The following SLC30A1 variants were observed in gnomAD, a reference collection of about 807,000 sequenced individuals.
SLC30A1 encodes solute carrier family 30 member 1, also known as proton-coupled zinc antiporter SLC30A1.
Under a neutral mutation model 29.8 loss-of-function variants are expected in SLC30A1, and 7 were observed. The ratio of observed to expected loss-of-function variants is 0.23; its 90% CI spans 0.13 to 0.44. The LOEUF (loss-of-function observed/expected upper bound fraction) is 0.44, where lower values mean the gene tolerates loss of function less well. Among genes scored for constraint, SLC30A1 ranks in the 20% least tolerant of loss-of-function variants. SLC30A1 has a pLI of 1.00. For synonymous variants in SLC30A1, 254 were observed against 253.5 expected (o/e 1.00, Z -0.02); for missense variants, 446 against 647.9 (o/e 0.69, Z 3.38).
At position 211,573,250 on chromosome 1, in the gene SLC30A1, T is replaced by C. The variant is rs183000392; in HGVS notation, c.*2138A>G. On this transcript the variant is annotated 3_prime_UTR_variant, in exon 2 of 2. Transcript: ENST00000367001. ...AAAATCCTATGGTACCACCATTATA[T>C]ATAAGCTACTTAAAAATTATGAAAA... is the stretch of plus-strand genomic sequence containing the variant. 7.9e-5 allele frequency: 12 copies of C among 152,222 alleles called. No individual in the cohort carries two copies. The highest frequency in any genetic ancestry group is 1.9e-4 in the East Asian group (1 of 5,192). 9.4% of individuals were successfully genotyped at this position (152,222 alleles called of 1,614,324 possible). A position where few individuals can be genotyped will look rare whatever the true frequency, so the allele number is the denominator to read the frequency against.
Position 211,572,191 on chromosome 1 carries a change from G to A in SLC30A1, c.*3197C>T, listed in dbSNP as rs1706661605. On this transcript the variant is annotated 3_prime_UTR_variant, in exon 2 of 2. Coordinates refer to ENST00000367001, the MANE Select transcript of SLC30A1 (RefSeq NM_021194.3). ...GTGCTATTATAATCCCAATTTCAGA[G>A]ACGTGAAACACTGTATGACACAGTT... is the stretch of plus-strand genomic sequence containing the variant. 1 of 152,012 alleles carries A rather than the reference G, an allele frequency of 6.6e-6. No homozygotes were observed. Among genetic ancestry groups the A allele is most frequent in the Non-Finnish European group, 1.5e-5 (1 of 67,952 alleles). 9.4% of individuals were successfully genotyped at this position (152,012 alleles called of 1,614,324 possible).
At position 211,578,295 on chromosome 1, in the gene SLC30A1, C is replaced by T. The variant is rs781020850; in HGVS notation, c.318G>A (p.Glu106=). The change falls in exon 1 of 2, where the codon GAG becomes GAA. Residue 106 remains glutamate (E), a synonymous_variant. Transcript: ENST00000367001. The part of the protein sequence containing the change: ...ILLEAIERFI[E]PHEMQQPLVV... ...CCAGCGGCTGCTGCATCTCGTGCGG[C>T]TCGATGAAGCGCTCGATGGCCTCCA... 1.9e-6 allele frequency: 3 copies of T among 1,612,160 alleles called. No homozygotes were observed. Among genetic ancestry groups the T allele is most frequent in the Non-Finnish European group, 2.5e-6 (3 of 1,179,632 alleles).
Position 211,575,432 on chromosome 1 carries a change from C to G in SLC30A1, c.1480G>C (p.Glu494Gln), listed in dbSNP as rs1186536679. ...TGTTTGTTTGGCATGTTTTTAATCT[C>G]TATCACAACAGCAGGGATGTTTTCA... ...KAENIPAVVI[E>Q]IKNMPNKQPE... Residue 494 changes from glutamate to glutamine, a missense_variant, in exon 2 of 2, where the codon GAG (glutamate) becomes CAG (glutamine). Physicochemically the swap from Glu to Gln is conservative, Grantham distance 29. Transcript: ENST00000367001. The surrounding 1 kb of genome is among the most constrained non-coding windows in gnomAD (Gnocchi z 6.0). 6.8e-6 allele frequency: 11 copies of G among 1,610,664 alleles called. No homozygotes were observed. Among genetic ancestry groups the G allele is most frequent in the South Asian group, 1.1e-5 (1 of 90,266 alleles).
rs928438987 is a variant in SLC30A1 at position 211,573,325 on chromosome 1, A to G, written c.*2063T>C. 4 of 152,044 alleles carry G rather than the reference A, an allele frequency of 2.6e-5. No homozygotes were observed. The highest frequency in any genetic ancestry group is 9.7e-5 in the African/African-American group (4 of 41,438). The allele number at this position is 152,044 out of a possible 1,614,324, so 9.4% of individuals were successfully genotyped here. Reference sequence around the variant, plus strand: ...TGTTATCTTCAAAGCACTTTTGAAAAACAAACAAACATAGCCCTTGTCCTA... The same window carrying G: ...TGTTATCTTCAAAGCACTTTTGAAAGACAAACAAACATAGCCCTTGTCCTA... On this transcript the variant is annotated 3_prime_UTR_variant, in exon 2 of 2. Coordinates refer to ENST00000367001, the MANE Select transcript of SLC30A1 (RefSeq NM_021194.3).
chr1:211,571,651 A>C lies in SLC30A1; in HGVS notation c.*3737T>G, dbSNP rs896665447. The stretch of plus-strand genomic sequence containing the variant: ...GTAGTCTGTCTCATATAGAACATTT[A>C]TAATACATAACAATCCATAAAGCCT... On this transcript the variant is annotated 3_prime_UTR_variant, in exon 2 of 2. Coordinates refer to ENST00000367001, the MANE Select transcript of SLC30A1 (RefSeq NM_021194.3). 1.3e-5 allele frequency: 2 copies of C among 152,030 alleles called. No homozygotes were observed. Among genetic ancestry groups the C allele is most frequent in the Non-Finnish European group, 2.9e-5 (2 of 67,928 alleles). 9.4% of individuals were successfully genotyped at this position (152,030 alleles called of 1,614,324 possible).
Position 211,578,088 on chromosome 1 carries a change from G to T in SLC30A1, c.525C>A (p.Ile175=). 1 of 1,612,010 alleles carries T rather than the reference G, an allele frequency of 6.2e-7. No individual in the cohort carries two copies. The highest frequency in any genetic ancestry group is 8.5e-7 in the Non-Finnish European group (1 of 1,179,388). The change falls in exon 1 of 2, where the codon ATC becomes ATA. Residue 175 remains isoleucine (I), a synonymous_variant. Transcript: ENST00000367001. The part of the protein sequence containing the change: ...VKSTRPGSSD[I]NVAPGEQGPD... ...GACCCTGCTCGCCCGGGGCCACGTT[G>T]ATGTCGCTGCTCCCGGGGCGGGTGC...
Position 211,578,674 on chromosome 1 carries a change from G to A in SLC30A1, c.-62C>T. The stretch of plus-strand genomic sequence containing the variant: ...GACTGGTGCAGCGGCGGCGTTGGCG[G>A]GACGCGGAGGGTCGGCGACCGCGAC... On this transcript the variant is annotated 5_prime_UTR_variant, in exon 1 of 2. Coordinates refer to ENST00000367001, the MANE Select transcript of SLC30A1 (RefSeq NM_021194.3). 1 of 1,406,798 alleles carries A rather than the reference G, an allele frequency of 7.1e-7. No homozygotes were observed. The highest frequency in any genetic ancestry group is 9.2e-7 in the Non-Finnish European group (1 of 1,086,958). The allele number at this position is 1,406,798 out of a possible 1,614,324, so 87.1% of individuals were successfully genotyped here.
In SLC30A1 at chr1:211,576,253, A is replaced by G. The variant is rs769453092; in HGVS notation, c.659T>C (p.Val220Ala). ...TCTGACAAGATTTCCATTCACTTGT[A>G]CTTCCACTGTATCACCACTTCTGGG... ...ENPRSGDTVEVQVNGNLVREP... is the reference protein window; with the variant it reads ...ENPRSGDTVEAQVNGNLVREP... The change falls in exon 2 of 2, where the codon GTA (valine) becomes GCA (alanine). Residue 220 changes from valine to alanine, a missense_variant. Around this residue, in one of 5 missense-constraint regions of SLC30A1, gnomAD observed 159 missense variants for 161.1 expected, o/e 0.99. Transcript: ENST00000367001. The G allele has an allele frequency of 5.0e-6, 8 of 1,609,444 alleles. No homozygotes were observed. Among genetic ancestry groups the G allele is most frequent in the Non-Finnish European group, 6.8e-6 (8 of 1,178,472 alleles).
rs767391327 is a variant in SLC30A1 at position 211,577,996 on chromosome 1, G to C, written c.617C>G (p.Pro206Arg). 3.1e-6 allele frequency: 5 copies of C among 1,612,858 alleles called. No homozygotes were observed. The South Asian group carries it at 5.5e-5, about 18-fold the overall frequency. Residue 206 changes from proline to arginine, a missense_variant, in exon 1 of 2, where the codon CCC becomes CGC. Pro to Arg is a moderately radical substitution (Grantham distance 103). This residue lies in a region of SLC30A1 where 159 missense variants were observed against 161.1 expected (regional missense o/e 0.99). Coordinates refer to ENST00000367001, the MANE Select transcript of SLC30A1 (RefSeq NM_021194.3). The surrounding 1 kb of genome is among the most constrained non-coding windows in gnomAD (Gnocchi z 4.5). Reference sequence around the variant, plus strand: ...CAGCGACTTTCCCGGCTCACCTGCGGGGTCCAATTTCAGCCCGTTGGAGTT... The same window carrying C: ...CAGCGACTTTCCCGGCTCACCTGCGCGGTCCAATTTCAGCCCGTTGGAGTT... ...TSNSNGLKLD[P>R]ADPENPRSGD...
At chr1:211,576,862 A>G (rs561362839) in intron 1 of SLC30A1, among the ~76,000 whole-genome samples, 88 of 151,994 alleles carry the variant, frequency 5.8e-4, no homozygotes, top group African/African-American at 2.1e-3. Context: ...AGAAAAATTG[A>G]AACTAAATGA....
At position 211,574,507 on chromosome 1, in the gene SLC30A1, C is replaced by T. The variant is rs972632483; in HGVS notation, c.*881G>A. 2 of 151,984 alleles carry T rather than the reference C, an allele frequency of 1.3e-5. No homozygotes were observed. The highest frequency in any genetic ancestry group is 4.2e-4 in the South Asian group (2 of 4,818). 9.4% of individuals were successfully genotyped at this position (151,984 alleles called of 1,614,324 possible). On this transcript the variant is annotated 3_prime_UTR_variant, in exon 2 of 2. Coordinates refer to ENST00000367001, the MANE Select transcript of SLC30A1 (RefSeq NM_021194.3). ...GCCCGGTTTAAAAGATTACATTAATCGTTTGCGTTTAGCATGTAATTATTA... is the reference window on the plus strand; with the variant it reads ...GCCCGGTTTAAAAGATTACATTAATTGTTTGCGTTTAGCATGTAATTATTA...
chr1:211,575,645 T>G lies in SLC30A1; in HGVS notation c.1267A>C (p.Ser423Arg). 1 of 1,614,184 alleles carries G rather than the reference T, an allele frequency of 6.2e-7. No homozygotes were observed. The highest frequency in any genetic ancestry group is 1.7e-5 in the Admixed American group (1 of 60,024). ...ACTACACTTGATTTAGAGCCTACAC[T>G]AGCAAATTCAGGCTGAATGGTAGTA... ...HATTIQPEFA[S>R]VGSKSSVVPC... The change falls in exon 2 of 2, where the codon AGT becomes CGT. Residue 423 changes from serine to arginine, a missense_variant. By Grantham distance (110) the Ser-to-Arg change is moderately radical. Transcript: ENST00000367001. This position sits in a 1 kb window ranked among gnomAD's most constrained non-coding sequence, Gnocchi z 6.0.
rs754920550 is a variant in SLC30A1 at position 211,575,735 on chromosome 1, G to C, written c.1177C>G (p.Pro393Ala). The change falls in exon 2 of 2, where the codon CCA becomes GCA. Residue 393 changes from proline to alanine, a missense_variant. Pro to Ala is a conservative substitution (Grantham distance 27). Around this residue, in one of 5 missense-constraint regions of SLC30A1, gnomAD observed 187 missense variants for 312.7 expected, o/e 0.60. Transcript: ENST00000367001. The surrounding 1 kb of genome is among the most constrained non-coding windows in gnomAD (Gnocchi z 6.0). Reference sequence around the variant, plus strand: ...TTAGCCACCTCCATGTATGATGTTGGATCTTCACATTTTATGTGAGCAGTG... The same window carrying C: ...TTAGCCACCTCCATGTATGATGTTGCATCTTCACATTTTATGTGAGCAGTG... ...IATAHIKCED[P>A]TSYMEVAKTI... is the part of the protein sequence containing the mutation. 1 of 1,614,074 alleles carries C rather than the reference G, an allele frequency of 6.2e-7. No individual in the cohort carries two copies.
Position 211,575,475 on chromosome 1 carries a change from C to A in SLC30A1, c.1437G>T (p.Lys479Asn). The A allele has an allele frequency of 6.2e-7, 1 of 1,614,098 alleles. No homozygotes were observed. Among genetic ancestry groups the A allele is most frequent in the Non-Finnish European group, 8.5e-7 (1 of 1,179,946 alleles). Residue 479 changes from lysine (K) to asparagine (N), a missense_variant, in exon 2 of 2, where the codon AAG becomes AAT. Physicochemically the swap from Lys to Asn is moderately conservative, Grantham distance 94. This residue lies in a region of SLC30A1 where 187 missense variants were observed against 312.7 expected (regional missense o/e 0.60). Coordinates refer to ENST00000367001, the MANE Select transcript of SLC30A1 (RefSeq NM_021194.3). This position sits in a 1 kb window ranked among gnomAD's most constrained non-coding sequence, Gnocchi z 6.0. The stretch of plus-strand genomic sequence containing the variant: ...TGTTTTCAGCTTTAGTCCTCCTGGG[C>A]TTCTTCTCTAGATTGTTACTAAGTT... ...CLELSNNLEKKPRRTKAENIP... is the reference protein window; with the variant it reads ...CLELSNNLEKNPRRTKAENIP...
chr1:211,577,922 GCCGAAGGCCAGGCGAGGCT>G lies in SLC30A1; in HGVS notation c.622+50_622+68del. ...CAGCAGGGGGCGTGCGGGCCACCCC[GCCGAAGGCCAGGCGAGGCT>G]CTGGGCACCCCAAACCCAACCACCT... On this transcript the variant is annotated intron_variant, in intron 1 of 1. Transcript: ENST00000367001. This position sits in a 1 kb window ranked among gnomAD's most constrained non-coding sequence, Gnocchi z 4.5. 2.5e-6 allele frequency: 4 copies of G among 1,588,298 alleles called. No individual in the cohort carries two copies. The highest frequency in any genetic ancestry group is 2.6e-6 in the Non-Finnish European group (3 of 1,168,448).
At position 211,576,211 on chromosome 1, in the gene SLC30A1, T is replaced by C; in HGVS notation, c.701A>G (p.Glu234Gly). The change falls in exon 2 of 2, where the codon GAA (glutamate) becomes GGA (glycine). Residue 234 changes from glutamate to glycine, a missense_variant. Physicochemically the swap from Glu to Gly is moderately conservative, Grantham distance 98. Coordinates refer to ENST00000367001, the MANE Select transcript of SLC30A1 (RefSeq NM_021194.3). ...TTGTCCAGCCCTATCTTCTTCCAGT[T>C]CCATATGGTCAGGTTCTCTGACAAG... ...GNLVREPDHM[E>G]LEEDRAGQLN... 1 of 1,613,210 alleles carries C rather than the reference T, an allele frequency of 6.2e-7. No homozygotes were observed. The highest frequency in any genetic ancestry group is 8.5e-7 in the Non-Finnish European group (1 of 1,179,812).
chr1:211,578,945 G>T lies in SLC30A1; in HGVS notation c.-333C>A, dbSNP rs1706756673. Among the ~76,000 whole-genome samples, 1 of 152,076 alleles carries T rather than the reference G, an allele frequency of 6.6e-6. No homozygotes were observed. The highest frequency in any genetic ancestry group is 1.5e-5 in the Non-Finnish European group (1 of 67,986). ...GGGGAGCTGGGCTCCCGGAGCCGGG[G>T]TACCAAGAGCCGCAGCCGGAGCAGG... On this transcript the variant is annotated 5_prime_UTR_variant, in exon 1 of 2. Coordinates refer to ENST00000367001, the MANE Select transcript of SLC30A1 (RefSeq NM_021194.3).
rs1202233554 is a variant in SLC30A1, at chr1:211,579,134, A to C, written c.-522T>G. Among the ~76,000 whole-genome samples the C allele has an allele frequency of 6.6e-6, 1 of 152,102 alleles. No individual in the cohort carries two copies. Among genetic ancestry groups the C allele is most frequent in the Non-Finnish European group, 1.5e-5 (1 of 67,998 alleles). ...GAGAGGCGGCGGCCACGGCAGCTGCACTCGGCCCGGTCTCGGGCGCCTTCT... is the reference window on the plus strand; with the variant it reads ...GAGAGGCGGCGGCCACGGCAGCTGCCCTCGGCCCGGTCTCGGGCGCCTTCT... On this transcript the variant is annotated 5_prime_UTR_variant, in exon 1 of 2. Coordinates refer to ENST00000367001, the MANE Select transcript of SLC30A1 (RefSeq NM_021194.3).
Position 211,579,152 on chromosome 1 carries a change from C to A in SLC30A1, c.-540G>T, listed in dbSNP as rs944418662. On this transcript the variant is annotated 5_prime_UTR_variant, in exon 1 of 2. Transcript: ENST00000367001. ...CAGCTGCACTCGGCCCGGTCTCGGG[C>A]GCCTTCTTCGCCCCCCCGCCTTTGC... Among the ~76,000 whole-genome samples the A allele has an allele frequency of 6.6e-6, 1 of 152,244 alleles. No individual in the cohort carries two copies. Among genetic ancestry groups the A allele is most frequent in the African/African-American group, 2.4e-5 (1 of 41,466 alleles).
Sources: allele counts gnomAD v4.1 joint callset (sites outside exome capture counted in the v4.1 genomes callset), GRCh38; gene constraint gnomAD v4.1.1; regional missense constraint gnomAD v4.1.1; non-coding constraint Gnocchi (gnomAD v3.1); transcripts MANE v1.5; gene names NCBI Gene and HGNC (gene_info 2026-07-23, HGNC 2026-07-21).